The following LRP1B variants were observed in gnomAD, a reference collection of about 807,000 sequenced individuals.
LRP1B encodes LDL receptor related protein 1B.
A neutral mutation model predicts 556.6 loss-of-function variants in LRP1B; 217 were observed. That is an observed-to-expected ratio of 0.39 (90% CI 0.35 to 0.44). LRP1B has a LOEUF of 0.44. Ranked by LOEUF, LRP1B falls within the 20% of genes least tolerant of loss-of-function variation. The pLI is 1.00. For missense variants in LRP1B, 5,053 were observed against 5,620.8 expected (o/e 0.90, Z 3.23); for synonymous variants, 2,047 against 1,865.8 (o/e 1.10, Z -2.50).
At chr2:140,747,240 A>T (rs1462138281) in intron 35 of LRP1B, among the ~76,000 whole-genome samples, 1 of 152,182 alleles carries the variant, frequency 6.6e-6, no homozygotes, top group Non-Finnish European at 1.5e-5. Flanking sequence ...GATGGAAAGA[A>T]TGCTGGGAAA....
chr2:142,109,503 C>CA (rs1706883226), intron 1 of LRP1B, among the ~76,000 whole-genome samples: 1 of 152,128 alleles, frequency 6.6e-6, no homozygotes, highest in Admixed American at 6.5e-5. Flanking sequence ...AGAGCAAAAA[C>CA]AAAATAACAT....
rs542183510 is a variant in LRP1B, at chr2:140,594,314, C to T, written c.7194+4317G>A. Among the ~76,000 whole-genome samples, 8 of 152,198 alleles carry T rather than the reference C, an allele frequency of 5.3e-5. No homozygotes were observed. In the East Asian group the frequency reaches 1.4e-3, roughly 26 times the overall value. The stretch of plus-strand genomic sequence containing the variant: ...CAAACAAGCAAAAATCATCTGTTTT[C>T]TGATCAGAACAAAGCTACATGCTGT... On this transcript the variant is annotated intron_variant, in intron 43 of 90. Transcript: ENST00000389484.
intron 2 of LRP1B, among the ~76,000 whole-genome samples, chr2:141,504,138 A>AT (rs767864913): frequency 3.9e-5 from 6 of 152,064 alleles, no homozygotes; most frequent in Non-Finnish European, 5.9e-5. Context: ...ACACACTCGT[A>AT]TTTTTTGTAG....
intron 1 of LRP1B, among the ~76,000 whole-genome samples, chr2:142,096,231 A>T (rs1706361531): frequency 6.6e-6 from 1 of 151,666 alleles, no homozygotes; most frequent in Non-Finnish European, 1.5e-5. Flanking sequence ...CCAATCAAAG[A>T]ATCCAGCCTC....
chr2:141,181,877 G>T (rs1212630237), intron 7 of LRP1B, among the ~76,000 whole-genome samples: 1 of 151,872 alleles, frequency 6.6e-6, no homozygotes, highest in Admixed American at 6.6e-5. Context: ...TAATTAATGA[G>T]AAGAATGTGA....
At chr2:140,506,615 G>T (rs72901724) in intron 53 of LRP1B, among the ~76,000 whole-genome samples, 181 bp downstream of exon 53, 30,501 of 152,194 alleles carry the variant, frequency 0.2, 3,655 homozygotes, top group Non-Finnish European at 0.27. Context: ...GATTTCCAAA[G>T]AAATGTATTA....
intron 33 of LRP1B, among the ~76,000 whole-genome samples, chr2:140,774,169 G>C (rs571422325): frequency 6.6e-6 from 1 of 152,122 alleles, no homozygotes; most frequent in South Asian, 2.1e-4. Context: ...CAGTAATTCT[G>C]TTAATGGGAT....
At chr2:140,576,218 G>T (rs955071460) in intron 43 of LRP1B, among the ~76,000 whole-genome samples, 1 of 152,070 alleles carries the variant, frequency 6.6e-6, no homozygotes, top group Non-Finnish European at 1.5e-5. Flanking sequence ...TATCTCAGAA[G>T]CTTGGGGCAC....
At position 140,925,773 on chromosome 2, in the gene LRP1B, A is replaced by G. The variant is rs143681431; in HGVS notation, c.3137-2626T>C. Among the ~76,000 whole-genome samples, 844 of 152,264 alleles carry G rather than the reference A, an allele frequency of 5.5e-3. 10 individuals are homozygous for G. The highest frequency in any genetic ancestry group is 0.019 in the African/African-American group (792 of 41,556). ...TAGATTCTCTAGTACTTTGAAAATT[A>G]GGGAGCGTCTTGGGCTGGCATCCTT... On this transcript the variant is annotated intron_variant, in intron 20 of 90. Transcript: ENST00000389484.
intron 1 of LRP1B, among the ~76,000 whole-genome samples, chr2:142,060,325 G>C (rs940393248): frequency 1.3e-5 from 2 of 151,966 alleles, no homozygotes; most frequent in Non-Finnish European, 2.9e-5. Context: ...GGGTGTCAAA[G>C]GTGCTCCATT....
At chr2:140,454,423 T>A (rs1357819729) in intron 62 of LRP1B, among the ~76,000 whole-genome samples, 1 of 152,190 alleles carries the variant, frequency 6.6e-6, no homozygotes, top group South Asian at 2.1e-4. Flanking sequence ...AGTGCTGGGA[T>A]TACAGGCGTG....
At chr2:141,749,542 A>T (rs1383465538) in intron 2 of LRP1B, among the ~76,000 whole-genome samples, 1 of 152,162 alleles carries the variant, frequency 6.6e-6, no homozygotes, top group Non-Finnish European at 1.5e-5. Context: ...AACTTGAATG[A>T]TACCATTACA....
At chr2:141,118,476 T>G (rs1393450586) in intron 7 of LRP1B, among the ~76,000 whole-genome samples, 1 of 151,982 alleles carries the variant, frequency 6.6e-6, no homozygotes, top group African/African-American at 2.4e-5. Flanking sequence ...CTGACTTTTT[T>G]GTAAACTAGT....
intron 71 of LRP1B, among the ~76,000 whole-genome samples, chr2:140,365,525 C>G (rs1253804788): frequency 6.6e-6 from 1 of 151,622 alleles, no homozygotes. Flanking sequence ...TAGCAATATA[C>G]AGTGGAGGCT....
chr2:142,037,149 A>G (rs11677303), intron 1 of LRP1B, among the ~76,000 whole-genome samples: 113,136 of 151,410 alleles, frequency 0.75, 43,282 homozygotes, highest in East Asian at 0.98. Flanking sequence ...AAAAACCCCA[A>G]GGCTATTGTG....
intron 2 of LRP1B, among the ~76,000 whole-genome samples, chr2:141,489,131 T>G (rs922139465): frequency 1.7e-4 from 25 of 145,162 alleles, no homozygotes; most frequent in African/African-American, 6.4e-4. Context: ...TTTTTTTTTT[T>G]TTTTTTTTTG....
chr2:141,865,759 G>T lies in LRP1B; in HGVS notation c.83-55358C>A, dbSNP rs564042504. Among the ~76,000 whole-genome samples, 7 of 152,268 alleles carry T rather than the reference G, an allele frequency of 4.6e-5. No individual in the cohort carries two copies. In the South Asian group the frequency reaches 1.2e-3, roughly 27 times the overall value. On this transcript the variant is annotated intron_variant, in intron 1 of 90. Transcript: ENST00000389484. ...CATTTCAAACTTATCCCAAGGGAAAGATATTTTAATTTCTCAGATGATGAC... is the reference window on the plus strand; with the variant it reads ...CATTTCAAACTTATCCCAAGGGAAATATATTTTAATTTCTCAGATGATGAC...
intron 3 of LRP1B, among the ~76,000 whole-genome samples, chr2:141,372,157 A>T (rs1373769368): frequency 1.3e-5 from 2 of 152,018 alleles, no homozygotes; most frequent in African/African-American, 4.8e-5. Context: ...ACAGATTAAC[A>T]TGTTTCTGTT....
At chr2:141,464,596 A>ATTTTTTTTTTTT (rs1402968531) in intron 3 of LRP1B, among the ~76,000 whole-genome samples, 4 of 33,382 alleles carry the variant, frequency 1.2e-4, no homozygotes, top group African/African-American at 2.5e-4. Flanking sequence ...ATATATATAT[A>ATTTTTTTTTTTT]TATATATATA....
Sources: allele counts gnomAD v4.1 joint callset (sites outside exome capture counted in the v4.1 genomes callset), GRCh38; gene constraint gnomAD v4.1.1; transcripts MANE v1.5; gene names NCBI Gene and HGNC (gene_info 2026-07-23, HGNC 2026-07-21).